PCDHGA12: variants seen among roughly 807,000 people sequenced by gnomAD.
PCDHGA12 encodes protocadherin gamma subfamily A, 12.
Under a neutral mutation model 61.1 loss-of-function variants are expected in PCDHGA12, and 43 were observed. The ratio of observed to expected loss-of-function variants is 0.70; its 90% confidence interval spans 0.55 to 0.91. The LOEUF (loss-of-function observed/expected upper bound fraction) is 0.91. PCDHGA12 is among the 40% of genes least tolerant of loss of function. PCDHGA12 has a pLI of 0.00. For synonymous variants in PCDHGA12, 520 were observed against 542.9 expected, an observed-to-expected ratio of 0.96 and a Z score of 0.59; for missense variants, 1,236 against 1,227.7, an observed-to-expected ratio of 1.01 and a Z score of -0.10.
chr5:141,502,535 G>A (rs910160644), intron 2 of PCDHGA12, among the ~76,000 whole-genome samples: 14 of 152,172 alleles, frequency 9.2e-5, no homozygotes, highest in South Asian at 2.1e-4. Flanking sequence ...GAGTTTGTTC[G>A]TGTGGTAAAA....
chr5:141,442,343 G>A (rs1300318674), intron 1 of PCDHGA12: 1 of 152,336 alleles, frequency 6.6e-6, no homozygotes, highest in African/African-American at 2.4e-5. Context: ...CAGGTTTCTG[G>A]GTAACTGTAG....
intron 1 of PCDHGA12, among the ~76,000 whole-genome samples, chr5:141,439,224 T>C (rs989512996): frequency 2.2e-4 from 33 of 152,030 alleles, no homozygotes; most frequent in Middle Eastern, 3.4e-3. Context: ...TGAAAATTCT[T>C]AGAAGCTTCC....
chr5:141,435,629 A>G (rs2097772414), intron 1 of PCDHGA12, among the ~76,000 whole-genome samples: 1 of 152,162 alleles, frequency 6.6e-6, no homozygotes, highest in Admixed American at 6.5e-5. Flanking sequence ...TAACTTTTAC[A>G]ACTATGGGAA....
chr5:141,491,109 A>G lies in PCDHGA12; in HGVS notation c.2425-3698A>G, dbSNP rs1039906987. 4.3e-6 allele frequency: 7 copies of G among 1,614,074 alleles called. No individual in the cohort carries two copies. The African/African-American group carries it at 9.3e-5, about 22-fold the overall frequency. ...CCCCAGGACTGTTCCTCGTGTCTAC[A>G]CACACTGGTGAGGTGCGCACAGCCC... On this transcript the variant is annotated intron_variant, in intron 1 of 3. Coordinates refer to ENST00000252085, the MANE Select transcript of PCDHGA12 (RefSeq NM_003735.3). The surrounding 1 kb of genome is among the most constrained non-coding windows in gnomAD (Gnocchi z 6.9).
At chr5:141,468,871 T>TAAG (rs796694379) in intron 1 of PCDHGA12, among the ~76,000 whole-genome samples, 1 of 148,338 alleles carries the variant, frequency 6.7e-6, no homozygotes, top group African/African-American at 2.5e-5. Flanking sequence ...ATCTCAAAAA[T>TAAG]AATAATAATA....
rs764976894 is a variant in PCDHGA12, at chr5:141,476,238, G to T, written c.2425-18569G>T. On this transcript the variant is annotated intron_variant, in intron 1 of 3. Transcript: ENST00000252085. The surrounding 1 kb of genome is among the most constrained non-coding windows in gnomAD (Gnocchi z 7.6). ...ATTCACTATGAGATCCCGGAGGAAA[G>T]AGAGAAGGGTTTCGCTGTGGGCAAC... is the stretch of plus-strand genomic sequence containing the variant. The T allele has an allele frequency of 3.1e-6, 5 of 1,614,098 alleles. No individual in the cohort carries two copies. The highest frequency in any genetic ancestry group is 4.2e-6 in the Non-Finnish European group (5 of 1,180,012).
chr5:141,496,276 G>C (rs1189269883), intron 2 of PCDHGA12, among the ~76,000 whole-genome samples: 1 of 152,204 alleles, frequency 6.6e-6, no homozygotes, highest in Admixed American at 6.5e-5. Flanking sequence ...AAGACCTTCA[G>C]TTGGTCTGAG....
Position 141,476,878 on chromosome 5 carries a change from G to A in PCDHGA12, c.2425-17929G>A. 2 of 1,613,960 alleles carry A rather than the reference G, an allele frequency of 1.2e-6. No homozygotes were observed. The highest frequency in any genetic ancestry group is 1.7e-6 in the Non-Finnish European group (2 of 1,180,034). Reference sequence around the variant, plus strand: ...AGTCCTTGTACCGGGCGCGCGTCCTGGAGGATGCACCCTCCGGCACGCGCG... The same window carrying A: ...AGTCCTTGTACCGGGCGCGCGTCCTAGAGGATGCACCCTCCGGCACGCGCG... On this transcript the variant is annotated intron_variant, in intron 1 of 3. Transcript: ENST00000252085. This position sits in a 1 kb window ranked among gnomAD's most constrained non-coding sequence, Gnocchi z 7.6.
At chr5:141,503,502 G>A (rs750139098) in intron 2 of PCDHGA12, among the ~76,000 whole-genome samples, 5 of 151,828 alleles carry the variant, frequency 3.3e-5, no homozygotes, top group Admixed American at 2.0e-4. Context: ...AAGAGGCTGA[G>A]GCAGGAGAAT....
chr5:141,446,398 G>A (rs1379233102), intron 1 of PCDHGA12, among the ~76,000 whole-genome samples: 2 of 152,128 alleles, frequency 1.3e-5, no homozygotes, highest in African/African-American at 2.4e-5. Context: ...AAGAGAAATC[G>A]AGTTGAGTTC....
Position 141,511,212 on chromosome 5 carries a change from C to T in PCDHGA12, c.*39C>T. ...CCAAGAGCCACAGGGCGGCCTCTCC[C>T]CAACCAGCCCAGCTTCTCCTTACCT... is the stretch of plus-strand genomic sequence containing the variant. On this transcript the variant is annotated 3_prime_UTR_variant, in exon 4 of 4. Coordinates refer to ENST00000252085, the MANE Select transcript of PCDHGA12 (RefSeq NM_003735.3). 6.2e-7 allele frequency: 1 copy of T among 1,608,656 alleles called. No individual in the cohort carries two copies. Among genetic ancestry groups the T allele is most frequent in the Non-Finnish European group, 8.5e-7 (1 of 1,177,502 alleles).
Position 141,489,363 on chromosome 5 carries a change from G to A in PCDHGA12, c.2425-5444G>A, listed in dbSNP as rs767837736. On this transcript the variant is annotated intron_variant, in intron 1 of 3. Transcript: ENST00000252085. This position sits in a 1 kb window ranked among gnomAD's most constrained non-coding sequence, Gnocchi z 4.5. ...ACTCAGTGGTGGAGGAGTCTGAGCC[G>A]GGGACGCTGGTGGGGAATGTTGCTC... 46 of 1,613,114 alleles carry A rather than the reference G, an allele frequency of 2.9e-5. 1 individual carries two copies. In the South Asian group the frequency reaches 3.4e-4, roughly 12 times the overall value.
intron 1 of PCDHGA12, among the ~76,000 whole-genome samples, chr5:141,438,792 G>T (rs2098065674): frequency 6.7e-6 from 1 of 149,346 alleles, no homozygotes. Flanking sequence ...CTCTCCAGTA[G>T]CTGGGATTAC....
At position 141,431,245 on chromosome 5, in the gene PCDHGA12, C is replaced by A. The variant is rs761126985; in HGVS notation, c.486C>A (p.Ile162=). The A allele has an allele frequency of 5.0e-6, 8 of 1,614,016 alleles. No individual in the cohort carries two copies. In the Admixed American group the frequency reaches 1.2e-4, roughly 24 times the overall value. Residue 162 remains isoleucine, a synonymous_variant, in exon 1 of 4, where the codon ATC becomes ATA. Coordinates refer to ENST00000252085, the MANE Select transcript of PCDHGA12 (RefSeq NM_003735.3). This position sits in a 1 kb window ranked among gnomAD's most constrained non-coding sequence, Gnocchi z 4.8. The part of the protein sequence containing the change: ...FPLPHAWDPD[I]GKNSLQSYEL... ...TACCCCACGCCTGGGATCCGGATAT[C>A]GGGAAGAACTCTCTGCAGAGCTACG... is the stretch of plus-strand genomic sequence containing the variant.
Position 141,477,289 on chromosome 5 carries a change from T to G in PCDHGA12, c.2425-17518T>G, listed in dbSNP as rs759477848. On this transcript the variant is annotated intron_variant, in intron 1 of 3. Coordinates refer to ENST00000252085, the MANE Select transcript of PCDHGA12 (RefSeq NM_003735.3). The surrounding 1 kb of genome is among the most constrained non-coding windows in gnomAD (Gnocchi z 4.9). ...AGAACGGGCTGGTGACCTGCGAAGT[T>G]CCACCGGGTCTCCCTTTCAGCCTTA... The G allele has an allele frequency of 3.2e-5, 52 of 1,614,046 alleles. No individual in the cohort carries two copies. Among genetic ancestry groups the G allele is most frequent in the Non-Finnish European group, 4.2e-5 (50 of 1,180,040 alleles).
intron 2 of PCDHGA12, among the ~76,000 whole-genome samples, chr5:141,503,855 TA>T (rs2099832899): frequency 1.3e-5 from 2 of 152,136 alleles, no homozygotes; most frequent in Non-Finnish European, 2.9e-5. Context: ...GGAAAAATTG[TA>T]AAGCAGTTCT....
intron 1 of PCDHGA12, chr5:141,441,182 CA>C (rs1434822697): frequency 6.6e-6 from 1 of 152,140 alleles, no homozygotes; most frequent in African/African-American, 2.4e-5. Flanking sequence ...TCTAATTCCA[CA>C]ATGATTCCCA....
In PCDHGA12 at chr5:141,491,158, GA is replaced by G; in HGVS notation, c.2425-3648del. On this transcript the variant is annotated intron_variant, in intron 1 of 3. Transcript: ENST00000252085. This position sits in a 1 kb window ranked among gnomAD's most constrained non-coding sequence, Gnocchi z 6.9. ...CCGGGCCTTACTGGAGGATGACTCT[GA>G]CACCCAGCAGGTGGTGGTCCTGGTG... 6.2e-7 allele frequency: 1 copy of G among 1,614,130 alleles called. No homozygotes were observed. The highest frequency in any genetic ancestry group is 8.5e-7 in the Non-Finnish European group (1 of 1,179,972).
intron 2 of PCDHGA12, among the ~76,000 whole-genome samples, chr5:141,500,774 A>G (rs1479931234): frequency 6.6e-6 from 1 of 152,188 alleles, no homozygotes; most frequent in Non-Finnish European, 1.5e-5. Context: ...TCTTATGAAT[A>G]TACATATTAT....
Sources: allele counts gnomAD v4.1 joint callset (sites outside exome capture counted in the v4.1 genomes callset), GRCh38; gene constraint gnomAD v4.1.1; non-coding constraint Gnocchi (gnomAD v3.1); transcripts MANE v1.5; gene names NCBI Gene and HGNC (gene_info 2026-07-23, HGNC 2026-07-21).